GALNT13: variants seen among roughly 807,000 people sequenced by gnomAD.
The protein encoded by GALNT13 is polypeptide N-acetylgalactosaminyltransferase 13.
A neutral mutation model predicts 64.2 loss-of-function variants in GALNT13; 28 were observed. The ratio of observed to expected loss-of-function variants is 0.44; its 90% CI spans 0.32 to 0.60. The LOEUF (loss-of-function observed/expected upper bound fraction) is 0.60. GALNT13 is among the 20% of genes least tolerant of loss of function. The pLI is 0.05. For synonymous variants in GALNT13, 214 were observed against 224.6 expected, an observed-to-expected ratio of 0.95 and a Z score of 0.42; for missense variants, 577 against 669.8, an observed-to-expected ratio of 0.86 and a Z score of 1.53.
chr2:154,317,704 T>C (rs184113236), intron 9 of GALNT13, among the ~76,000 whole-genome samples: 1 of 152,268 alleles, frequency 6.6e-6, no homozygotes, highest in East Asian at 1.9e-4. Context: ...TCCTGGTTTA[T>C]GCTTGTTTCT....
At chr2:153,889,924 C>T (rs1013787403) in intron 1 of GALNT13, among the ~76,000 whole-genome samples, 1 of 151,644 alleles carries the variant, frequency 6.6e-6, no homozygotes, top group Non-Finnish European at 1.5e-5. Flanking sequence ...ATTATAAAAC[C>T]CTGGGGGTCC....
At chr2:154,342,608 T>G (rs1695834434) in intron 9 of GALNT13, among the ~76,000 whole-genome samples, 1 of 152,032 alleles carries the variant, frequency 6.6e-6, no homozygotes, top group African/African-American at 2.4e-5. Context: ...AAAAAAAACT[T>G]TAATTACAAC....
chr2:154,286,405 A>T (rs1190886994), intron 8 of GALNT13, among the ~76,000 whole-genome samples: 1 of 152,094 alleles, frequency 6.6e-6, no homozygotes, highest in Admixed American at 6.6e-5. Context: ...AATTTGTCAA[A>T]TTTTTCTGCT....
At chr2:153,795,117 C>A in the GALNT13 span, among the ~76,000 whole-genome samples, 1 of 152,122 alleles carries the variant, frequency 6.6e-6, no homozygotes, top group Non-Finnish European at 1.5e-5. Flanking sequence ...TGAACTTTTC[C>A]TCACCATGTT....
the GALNT13 span, among the ~76,000 whole-genome samples, chr2:153,650,880 GTCGTGATGTA>G: frequency 5.3e-5 from 8 of 152,092 alleles, no homozygotes; most frequent in African/African-American, 1.9e-4. Context: ...TTAAAACTTG[GTCGTGATGTA>G]CCTTCGTATC....
chr2:154,225,156 T>C (rs1005614751), intron 4 of GALNT13, among the ~76,000 whole-genome samples: 5 of 100,724 alleles, frequency 5.0e-5, no homozygotes, highest in East Asian at 2.7e-4. Context: ...GACAGATAGA[T>C]AGATGATAGA....
At chr2:154,439,837 T>C (rs778882808) in intron 12 of GALNT13, among the ~76,000 whole-genome samples, 69 of 152,160 alleles carry the variant, frequency 4.5e-4, no homozygotes, top group Non-Finnish European at 8.2e-4. Flanking sequence ...CACAAAATCA[T>C]CTTCTGGGCC....
intron 3 of GALNT13, among the ~76,000 whole-genome samples, chr2:154,023,563 C>T (rs988982366): frequency 2.0e-5 from 3 of 152,114 alleles, no homozygotes; most frequent in African/African-American, 7.2e-5. Context: ...CTTCCTCCAT[C>T]CTTTTATTTT....
chr2:153,993,787 T>G (rs558828978), intron 3 of GALNT13, among the ~76,000 whole-genome samples: 2 of 151,948 alleles, frequency 1.3e-5, no homozygotes, highest in Non-Finnish European at 2.9e-5. Context: ...TGGTAATGAC[T>G]TTTATTCTTT....
chr2:154,290,114 C>A (rs1278526869), intron 8 of GALNT13, among the ~76,000 whole-genome samples: 1 of 152,174 alleles, frequency 6.6e-6, no homozygotes. Flanking sequence ...TGAGAGTCTG[C>A]ATATCTAGAT....
chr2:153,374,918 A>G, the GALNT13 span, among the ~76,000 whole-genome samples: 1 of 152,184 alleles, frequency 6.6e-6, no homozygotes, highest in East Asian at 1.9e-4. Flanking sequence ...ATATTGGACT[A>G]ATGCTAGTGT....
At chr2:153,345,787 CTCTT>C in the GALNT13 span, among the ~76,000 whole-genome samples, 2 of 103,794 alleles carry the variant, frequency 1.9e-5, no homozygotes, top group African/African-American at 3.4e-5. Context: ...CTCTCTTTCT[CTCTT>C]TCTTTCTCTC....
chr2:154,074,299 G>A (rs938822704), intron 3 of GALNT13, among the ~76,000 whole-genome samples: 2 of 151,820 alleles, frequency 1.3e-5, no homozygotes, highest in African/African-American at 4.8e-5. Flanking sequence ...ATAATCAAAA[G>A]GAAGATCTCA....
chr2:153,140,983 C>T, the GALNT13 span, among the ~76,000 whole-genome samples: 4 of 151,894 alleles, frequency 2.6e-5, no homozygotes, highest in Non-Finnish European at 4.4e-5. Flanking sequence ...TCATCAGCTC[C>T]CCCAAAAATC....
chr2:153,348,581 G>A, the GALNT13 span, among the ~76,000 whole-genome samples: 1 of 152,156 alleles, frequency 6.6e-6, no homozygotes, highest in Non-Finnish European at 1.5e-5. Context: ...TCTAACCAAA[G>A]GATGGTATAG....
At chr2:153,736,914 C>G in the GALNT13 span, among the ~76,000 whole-genome samples, 1 of 152,218 alleles carries the variant, frequency 6.6e-6, no homozygotes, top group African/African-American at 2.4e-5. Context: ...AGTGCAGTTT[C>G]TCTTTTCCAT....
chr2:153,486,561 G>A, the GALNT13 span, among the ~76,000 whole-genome samples: 7 of 152,172 alleles, frequency 4.6e-5, no homozygotes, highest in East Asian at 1.4e-3. Context: ...TACATGCCAG[G>A]CATGTGAAAT....
chr2:153,247,780 G>GT, the GALNT13 span, among the ~76,000 whole-genome samples: 12 of 152,080 alleles, frequency 7.9e-5, no homozygotes, highest in Non-Finnish European at 1.6e-4. Context: ...CCAGGAGGTG[G>GT]TTTTTTGAAA....
chr2:154,140,204 A>G (rs1200971653), intron 3 of GALNT13, 133 bp from the exon 4 acceptor site: 15 of 613,932 alleles, frequency 2.4e-5, no homozygotes, highest in Non-Finnish European at 3.3e-5. Flanking sequence ...TAATCAGTAA[A>G]ATCTTGATCA....
Sources: allele counts gnomAD v4.1 joint callset (sites outside exome capture counted in the v4.1 genomes callset), GRCh38; gene constraint gnomAD v4.1.1; transcripts MANE v1.5; gene names NCBI Gene and HGNC (gene_info 2026-07-23, HGNC 2026-07-21).